SPAG9: variants seen among roughly 807,000 people sequenced by gnomAD.
SPAG9 encodes sperm associated antigen 9.
SPAG9 carries 35 observed loss-of-function variants against 166.5 expected under a neutral mutation model. The ratio of observed to expected loss-of-function variants is 0.21; its 90% CI spans 0.16 to 0.28. The LOEUF (loss-of-function observed/expected upper bound fraction) is 0.28. Ranked by LOEUF, SPAG9 falls within the 10% of genes least tolerant of loss-of-function variation. The pLI, the probability that SPAG9 is intolerant of heterozygous loss-of-function variation, is 1.00. For missense variants in SPAG9, 1,235 were observed against 1,603.3 expected (o/e 0.77, Z 3.92); for synonymous variants, 534 against 565.5 (o/e 0.94, Z 0.79).
chr17:51,085,471 C>T (rs1323575203), intron 1 of SPAG9: 2 of 152,126 alleles, frequency 1.3e-5, no homozygotes, highest in East Asian at 1.9e-4. Context: ...GGCTTTTTAT[C>T]TATATCACTT....
chr17:51,101,307 C>T (rs910051753), intron 1 of SPAG9, among the ~76,000 whole-genome samples: 2 of 138,802 alleles, frequency 1.4e-5, no homozygotes, highest in African/African-American at 5.6e-5. Flanking sequence ...GATCGCACTA[C>T]TGCACTCCAG....
chr17:51,075,064 C>T (rs1246476992), intron 2 of SPAG9, among the ~76,000 whole-genome samples: 4 of 151,106 alleles, frequency 2.6e-5, no homozygotes, highest in South Asian at 2.1e-4. Flanking sequence ...GGCATAATGA[C>T]GGGTGCCTGT....
Position 50,990,629 on chromosome 17 carries a change from G to A in SPAG9, c.2438C>T (p.Ser813Leu). 2 of 1,614,170 alleles carry A rather than the reference G, an allele frequency of 1.2e-6. No homozygotes were observed. The highest frequency in any genetic ancestry group is 2.2e-5 in the East Asian group (1 of 44,866). Residue 813 changes from serine to leucine, a missense_variant, in exon 20 of 30, where the codon TCA becomes TTA. Ser to Leu is a moderately radical substitution (Grantham distance 145, BLOSUM62 -2). Around this residue, in one of 6 missense-constraint regions of SPAG9, gnomAD observed 493 missense variants for 559.4 expected, o/e 0.88. Coordinates refer to ENST00000262013, the MANE Select transcript of SPAG9 (RefSeq NM_001130528.3). ...TGCTTTGTCTACCTGACCAGATTCT[G>A]AAAGATCTTCTCCTGCAGGGTAGTC... ...ETDYPAGEDLSESGQVDKASL... is the reference protein window; with the variant it reads ...ETDYPAGEDLLESGQVDKASL...
intron 21 of SPAG9, among the ~76,000 whole-genome samples, chr17:50,987,722 A>C (rs1975164812): frequency 6.6e-6 from 1 of 152,200 alleles, no homozygotes. Context: ...GTTTTGTCAT[A>C]GTTTCTTCTC....
At chr17:51,082,248 G>A (rs371380751) in intron 1 of SPAG9, among the ~76,000 whole-genome samples, 106 of 151,916 alleles carry the variant, frequency 7.0e-4, no homozygotes, top group African/African-American at 2.4e-3. Context: ...GGTGGTGCAC[G>A]CCTGTAATCC....
At chr17:50,981,508 AGATAGATAGATAGATAGAT>A (rs1384632669) in intron 25 of SPAG9, among the ~76,000 whole-genome samples, 5 of 150,480 alleles carry the variant, frequency 3.3e-5, no homozygotes, top group African/African-American at 1.2e-4. Flanking sequence ...ATAGATAGAT[AGATAGATAGATAGATAGAT>A]AGAAAGAAAG....
intron 9 of SPAG9, among the ~76,000 whole-genome samples, chr17:51,009,616 C>T (rs957362279): frequency 2.0e-5 from 3 of 152,088 alleles, no homozygotes; most frequent in Non-Finnish European, 1.5e-5. Context: ...TTGTATTGTA[C>T]TTCTATTGTT....
At chr17:51,050,642 A>T (rs2047153324) in intron 3 of SPAG9, among the ~76,000 whole-genome samples, 3 of 152,190 alleles carry the variant, frequency 2.0e-5, no homozygotes. Context: ...TATGCACTAT[A>T]GTCTATAAAC....
chr17:50,972,469 A>T (rs1240243908), intron 28 of SPAG9, among the ~76,000 whole-genome samples: 1 of 152,260 alleles, frequency 6.6e-6, no homozygotes, highest in Non-Finnish European at 1.5e-5. Context: ...CTTAAGTTCT[A>T]AGGTAGAATC....
intron 1 of SPAG9, among the ~76,000 whole-genome samples, chr17:51,093,709 A>AAG (rs1555659147): frequency 7.9e-5 from 12 of 151,426 alleles, no homozygotes; most frequent in African/African-American, 2.9e-4. Context: ...AAAAAAAAAA[A>AAG]AAAAAAGAAA....
At chr17:51,027,073 C>T (rs8070970) in intron 6 of SPAG9, among the ~76,000 whole-genome samples, 7,362 of 152,168 alleles carry the variant, frequency 0.048, 534 homozygotes, top group African/African-American at 0.16. Flanking sequence ...GATGGGAAAT[C>T]GGACAAAGTA....
At chr17:51,055,839 T>TA (rs1342733368) in intron 3 of SPAG9, among the ~76,000 whole-genome samples, 1 of 152,130 alleles carries the variant, frequency 6.6e-6, no homozygotes, top group Non-Finnish European at 1.5e-5. Flanking sequence ...ATAAAAAGGT[T>TA]AAAAAACCCT....
Position 51,048,900 on chromosome 17 carries a change from T to C in SPAG9, c.496-1431A>G, listed in dbSNP as rs191561360. On this transcript the variant is annotated intron_variant, in intron 3 of 29. Coordinates refer to ENST00000262013, the MANE Select transcript of SPAG9 (RefSeq NM_001130528.3). ...TGACATACTTTTTATTTTAAATTTA[T>C]AGATTTTACCACCATTTACACAACA... Among the ~76,000 whole-genome samples, 6 of 152,320 alleles carry C rather than the reference T, an allele frequency of 3.9e-5. 1 individual carries two copies. The highest frequency in any genetic ancestry group is 3.3e-4 in the Admixed American group (5 of 15,296).
At chr17:50,972,802 T>C (rs1973926519) in intron 28 of SPAG9, among the ~76,000 whole-genome samples, 1 of 152,244 alleles carries the variant, frequency 6.6e-6, no homozygotes, top group Non-Finnish European at 1.5e-5. Flanking sequence ...ATGACTTCTG[T>C]TGGTAGACGA....
chr17:51,074,372 G>C (rs538586850), intron 2 of SPAG9, among the ~76,000 whole-genome samples: 64 of 152,176 alleles, frequency 4.2e-4, no homozygotes, highest in Non-Finnish European at 9.3e-4. Flanking sequence ...GAACCGAGAT[G>C]GTGCTACTGC....
Position 51,120,763 on chromosome 17 carries a change from G to T in SPAG9, c.-107C>A. ...GGCTGGGACGGGTACTAGGGCTGGA[G>T]CCCGGGCCGGGGCTGGGGCTGGGCC... On this transcript the variant is annotated 5_prime_UTR_variant, in exon 1 of 30. Coordinates refer to ENST00000262013, the MANE Select transcript of SPAG9 (RefSeq NM_001130528.3). The surrounding 1 kb of genome is among the most constrained non-coding windows in gnomAD (Gnocchi z 4.7). 1 of 1,000,122 alleles carries T rather than the reference G, an allele frequency of 1.0e-6. No individual in the cohort carries two copies. The highest frequency in any genetic ancestry group is 1.4e-6 in the Non-Finnish European group (1 of 721,164). 62.0% of individuals were successfully genotyped at this position (1,000,122 alleles called of 1,614,324 possible).
At chr17:51,081,334 C>T (rs2048157512) in intron 1 of SPAG9, among the ~76,000 whole-genome samples, 1 of 152,040 alleles carries the variant, frequency 6.6e-6, no homozygotes. Flanking sequence ...TCCTGTAATC[C>T]CAGTTACTGA....
intron 8 of SPAG9, 40 bp from the exon 9 acceptor site, chr17:51,014,393 A>G (rs1018912812): frequency 6.3e-7 from 1 of 1,574,982 alleles, no homozygotes; most frequent in African/African-American, 1.4e-5. Context: ...AACAAATGAC[A>G]AAGACTTTTT....
At chr17:50,995,032 G>C in intron 18 of SPAG9, 25 bp downstream of exon 18, 2 of 1,581,334 alleles carry the variant, frequency 1.3e-6, no homozygotes, top group South Asian at 2.3e-5. Context: ...CATAAACCAG[G>C]TCAAATGTTA....
Sources: gnomAD v4.1 joint callset for allele counts (sites outside exome capture counted in the v4.1 genomes callset) on GRCh38, gnomAD v4.1.1 for gene constraint, gnomAD v4.1.1 regional missense constraint, Gnocchi (gnomAD v3.1) non-coding constraint, MANE v1.5 for transcripts, NCBI Gene and HGNC (gene_info 2026-07-23, HGNC 2026-07-21) for gene names.